The following TUFT1 variants were observed in gnomAD, a reference collection of about 807,000 sequenced individuals.
TUFT1 encodes tuftelin 1.
TUFT1 carries 43 observed loss-of-function variants against 57.8 expected under a neutral mutation model. The observed-to-expected ratio is 0.74, with a 90% CI of 0.58 to 0.96. The LOEUF (loss-of-function observed/expected upper bound fraction) is 0.96. Among genes scored for constraint, TUFT1 ranks in the 40% least tolerant of loss-of-function variants. The pLI is 0.00. For missense variants in TUFT1, 459 were observed against 489.0 expected (o/e 0.94, Z 0.58); for synonymous variants, 166 against 176.7 (o/e 0.94, Z 0.48).
chr1:151,556,909 G>T lies in TUFT1; in HGVS notation c.61-5182G>T, dbSNP rs147601296. 5.8e-3 allele frequency among the ~76,000 whole-genome samples: 890 copies of T among 152,276 alleles called. 11 individuals carry two copies. Among genetic ancestry groups the T allele is most frequent in the African/African-American group, 0.02 (836 of 41,560 alleles). On this transcript the variant is annotated intron_variant, in intron 1 of 12. Transcript: ENST00000368849. ...GAATTGCTTGAACCTGGGAGGCAGA[G>T]GTTGCAGTGAGCCGAGATTGCGTCA...
chr1:151,541,721 A>G (rs1385403798), intron 1 of TUFT1, among the ~76,000 whole-genome samples: 1 of 152,158 alleles, frequency 6.6e-6, no homozygotes, highest in Non-Finnish European at 1.5e-5. Context: ...AGATGTTGCT[A>G]TTGGCCAACC....
intron 7 of TUFT1, among the ~76,000 whole-genome samples, chr1:151,571,897 T>C (rs1467795989): frequency 1.3e-5 from 2 of 152,166 alleles, no homozygotes; most frequent in African/African-American, 4.8e-5. Context: ...CCTGCAGCAG[T>C]AGGAGATGCT....
In TUFT1 at chr1:151,582,549, G is replaced by A; in HGVS notation, c.*842G>A. The A allele has an allele frequency of 4.4e-6, 1 of 228,964 alleles. No individual in the cohort carries two copies. Among genetic ancestry groups the A allele is most frequent in the African/African-American group, 2.3e-5 (1 of 43,820 alleles). The allele number at this position is 228,964 out of a possible 1,614,324, so 14.2% of individuals were successfully genotyped here. Reference sequence around the variant, plus strand: ...TTGTATTTATTTTGCTAAGTTATTGGTGGTTTTGCTTACATCTCATGATTG... The same window carrying A: ...TTGTATTTATTTTGCTAAGTTATTGATGGTTTTGCTTACATCTCATGATTG... On this transcript the variant is annotated 3_prime_UTR_variant, in exon 13 of 13. Coordinates refer to ENST00000368849, the MANE Select transcript of TUFT1 (RefSeq NM_020127.3).
chr1:151,568,080 A>AT (rs886618633), intron 6 of TUFT1, among the ~76,000 whole-genome samples: 35 of 149,616 alleles, frequency 2.3e-4, no homozygotes, highest in East Asian at 5.9e-4. Flanking sequence ...TTTCTTTATA[A>AT]TTTTTTTTTT....
rs953000050 is a variant in TUFT1, at chr1:151,569,192, A to G, written c.481-465A>G. 2.2e-4 allele frequency among the ~76,000 whole-genome samples: 34 copies of G among 152,276 alleles called. No individual in the cohort carries two copies. The Middle Eastern group carries it at 0.014, about 61-fold the overall frequency. Reference sequence around the variant, plus strand: ...TTTATATGCTGCTGTCAGTGCCAAAAGCTGAGAATGGTAAAGGATGTGCTT... The same window carrying G: ...TTTATATGCTGCTGTCAGTGCCAAAGGCTGAGAATGGTAAAGGATGTGCTT... On this transcript the variant is annotated intron_variant, in intron 6 of 12. Coordinates refer to ENST00000368849, the MANE Select transcript of TUFT1 (RefSeq NM_020127.3).
chr1:151,551,525 G>A (rs904696588), intron 1 of TUFT1, among the ~76,000 whole-genome samples: 3 of 152,012 alleles, frequency 2.0e-5, no homozygotes, highest in East Asian at 1.9e-4. Context: ...GATAAGGGTC[G>A]GACCCTCAGA....
intron 1 of TUFT1, chr1:151,557,345 A>T (rs538439498): frequency 1.2e-5 from 7 of 594,620 alleles, no homozygotes; most frequent in Admixed American, 2.9e-5. Flanking sequence ...ATTTAGAACC[A>T]CATCAGACAT....
Position 151,578,826 on chromosome 1 carries a change from G to C in TUFT1, c.924G>C (p.Gln308His), listed in dbSNP as rs1227132920. 2 of 1,559,144 alleles carry C rather than the reference G, an allele frequency of 1.3e-6. No homozygotes were observed. Among genetic ancestry groups the C allele is most frequent in the South Asian group, 2.4e-5 (2 of 84,800 alleles). Residue 308 changes from glutamine to histidine, a missense_variant and splice_region_variant, in exon 10 of 13, where the codon CAG (glutamine) becomes CAC (histidine). Coordinates refer to ENST00000368849, the MANE Select transcript of TUFT1 (RefSeq NM_020127.3). Reference sequence around the variant, plus strand: ...GGAAAGTCCGGCAAATGATAGAGCAGGTAAGTTGGGCTGGTTTGTAACCTG... The same window carrying C: ...GGAAAGTCCGGCAAATGATAGAGCACGTAAGTTGGGCTGGTTTGTAACCTG... ...QQRKVRQMIE[Q>H]LQNSKAVIQS...
intron 1 of TUFT1, among the ~76,000 whole-genome samples, chr1:151,559,929 G>T (rs1380558336): frequency 6.6e-6 from 1 of 151,690 alleles, no homozygotes; most frequent in Non-Finnish European, 1.5e-5. Context: ...GAGCAGCTGG[G>T]ATTACAGGCG....
intron 1 of TUFT1, among the ~76,000 whole-genome samples, chr1:151,548,861 G>A (rs1178355014): frequency 6.6e-6 from 1 of 152,110 alleles, no homozygotes; most frequent in Non-Finnish European, 1.5e-5. Flanking sequence ...TGAGAGCTGG[G>A]GGAACGCAGG....
intron 1 of TUFT1, among the ~76,000 whole-genome samples, chr1:151,547,583 A>T (rs1665379520): frequency 6.6e-6 from 1 of 152,218 alleles, no homozygotes; most frequent in African/African-American, 2.4e-5. Flanking sequence ...GGATGAGTCG[A>T]TGAAGGAAGA....
Position 151,554,695 on chromosome 1 carries a change from C to CCTTTT in TUFT1, c.61-7396_61-7395insCTTTT, listed in dbSNP as rs1553249393. Among the ~76,000 whole-genome samples the CCTTTT allele has an allele frequency of 3.5e-5, 3 of 85,652 alleles. 1 individual carries two copies. Among genetic ancestry groups the CCTTTT allele is most frequent in the African/African-American group, 5.1e-5 (1 of 19,778 alleles). The allele number at this position is 85,652 out of a possible 152,430, so 56.2% of individuals were successfully genotyped here. A position where few individuals can be genotyped will look rare whatever the true frequency, so the allele number is the denominator to read the frequency against. ...ACTGTGAACCACTGTGCCCGGCCCCCTTTTTTTTTTTTTTTTTTTTTTTTT... is the reference window on the plus strand; with the variant it reads ...ACTGTGAACCACTGTGCCCGGCCCCCCTTTTTTTTTTTTTTTTTTTTTTTTTTTTT... On this transcript the variant is annotated intron_variant, in intron 1 of 12. Transcript: ENST00000368849.
intron 12 of TUFT1, 49 bp from the exon 13 acceptor site, chr1:151,581,595 C>T (rs763955586): frequency 2.5e-6 from 4 of 1,596,200 alleles, no homozygotes; most frequent in Non-Finnish European, 2.6e-6. Flanking sequence ...GGGTGGGCCA[C>T]AACACAGCTG....
At chr1:151,572,508 C>T (rs1666289848) in intron 7 of TUFT1, among the ~76,000 whole-genome samples, 1 of 152,068 alleles carries the variant, frequency 6.6e-6, no homozygotes, top group East Asian at 1.9e-4. Flanking sequence ...AATAAATGTA[C>T]ATAAATAAAA....
chr1:151,565,387 C>T (rs1397138308), intron 5 of TUFT1, among the ~76,000 whole-genome samples: 1 of 152,262 alleles, frequency 6.6e-6, no homozygotes, highest in East Asian at 1.9e-4. Flanking sequence ...CAGGCAGAGT[C>T]TTGCTCCAGC....
chr1:151,578,784 G>A lies in TUFT1; in HGVS notation c.882G>A (p.Met294Ile). The change falls in exon 10 of 13, where the codon ATG becomes ATA. Residue 294 changes from methionine to isoleucine, a missense_variant. By Grantham distance (10) the Met-to-Ile change is conservative. Coordinates refer to ENST00000368849, the MANE Select transcript of TUFT1 (RefSeq NM_020127.3). ...AGAAGATCCACCACTTGGATGACAT[G>A]CTCAAGAGCCAGCAGCGGAAAGTCC... ...LREKIHHLDD[M>I]LKSQQRKVRQ... The A allele has an allele frequency of 6.3e-7, 1 of 1,584,492 alleles. No individual in the cohort carries two copies. Among genetic ancestry groups the A allele is most frequent in the South Asian group, 1.1e-5 (1 of 86,990 alleles).
At position 151,579,561 on chromosome 1, in the gene TUFT1, C is replaced by T; in HGVS notation, c.925-88C>T. On this transcript the variant is annotated intron_variant, in intron 10 of 12. Coordinates refer to ENST00000368849, the MANE Select transcript of TUFT1 (RefSeq NM_020127.3). ...AGTCATATGGAGTTGCAGGGCTCTG[C>T]TGCCTTCCCCAGCAGCTGGGGTGAA... The T allele has an allele frequency of 2.9e-6, 4 of 1,366,084 alleles. No homozygotes were observed. The Admixed American group carries it at 7.6e-5, about 26-fold the overall frequency. The allele number at this position is 1,366,084 out of a possible 1,614,324, so 84.6% of individuals were successfully genotyped here.
intron 6 of TUFT1, among the ~76,000 whole-genome samples, 193 bp downstream of exon 6, chr1:151,566,421 G>A (rs1666083126): frequency 6.6e-6 from 1 of 152,162 alleles, no homozygotes; most frequent in East Asian, 1.9e-4. Context: ...CTCCTTGCGA[G>A]TATCCACTGT....
Position 151,547,767 on chromosome 1 carries a change from C to T in TUFT1, c.60+7341C>T, listed in dbSNP as rs965381714. On this transcript the variant is annotated intron_variant, in intron 1 of 12. Coordinates refer to ENST00000368849, the MANE Select transcript of TUFT1 (RefSeq NM_020127.3). ...GGCAGGTGTCCTAGAGTGAGACTGG[C>T]TTAGCAAGTGGGTGTCTCCTTCAGA... is the stretch of plus-strand genomic sequence containing the variant. Among the ~76,000 whole-genome samples the T allele has an allele frequency of 5.3e-5, 8 of 152,216 alleles. No individual in the cohort carries two copies. In the South Asian group the frequency reaches 1.2e-3, roughly 24 times the overall value.
Sources: allele counts gnomAD v4.1 joint callset (sites outside exome capture counted in the v4.1 genomes callset), GRCh38; gene constraint gnomAD v4.1.1; transcripts MANE v1.5; gene names NCBI Gene and HGNC (gene_info 2026-07-23, HGNC 2026-07-21).